Variants in GKAP1 observed in about 807,000 individuals in gnomAD.
GKAP1 encodes the protein G kinase anchoring protein 1.
Under a neutral mutation model 56.7 loss-of-function variants are expected in GKAP1, and 31 were observed. The ratio of observed to expected loss-of-function variants is 0.55; its 90% CI spans 0.41 to 0.74. The LOEUF (loss-of-function observed/expected upper bound fraction) is 0.74, where lower values mean the gene tolerates loss of function less well. Among genes scored for constraint, GKAP1 ranks in the 30% least tolerant of loss-of-function variants. GKAP1 has a pLI of 0.00. For synonymous variants in GKAP1, 151 were observed against 138.6 expected (o/e 1.09, Z -0.63); for missense variants, 364 against 402.3 (o/e 0.90, Z 0.82).
At chr9:83,742,439 C>A (rs1297471331) in intron 11 of GKAP1, 91 bp downstream of exon 11, 1 of 767,520 alleles carries the variant, frequency 1.3e-6, no homozygotes. Context: ...TACATCCTTA[C>A]AGTGTTGATG....
At chr9:83,741,360 TCACACACACACA>T (rs35325635) in intron 12 of GKAP1, among the ~76,000 whole-genome samples, 196 of 48,654 alleles carry the variant, frequency 4.0e-3, no homozygotes, top group African/African-American at 9.2e-3. Flanking sequence ...AATATATCTC[TCACACACACACA>T]CACACACACA....
intron 8 of GKAP1, among the ~76,000 whole-genome samples, chr9:83,753,959 T>C (rs1182193559): frequency 6.6e-6 from 1 of 152,146 alleles, no homozygotes; most frequent in Non-Finnish European, 1.5e-5. Flanking sequence ...GAAATCCCAA[T>C]AGGATGTTGT....
intron 3 of GKAP1, among the ~76,000 whole-genome samples, chr9:83,800,331 GTTTT>G (rs11460153): frequency 1.4e-4 from 13 of 95,614 alleles, no homozygotes; most frequent in Admixed American, 3.2e-4. Context: ...GCCTCCTTAC[GTTTT>G]TTTTTTGTTT....
chr9:83,816,185 G>A (rs960900261), intron 2 of GKAP1, among the ~76,000 whole-genome samples: 2 of 150,632 alleles, frequency 1.3e-5, no homozygotes, highest in African/African-American at 4.9e-5. Flanking sequence ...GCAAAATTCC[G>A]CCTCAAGAAA....
chr9:83,791,632 C>A (rs1446271721), intron 4 of GKAP1, among the ~76,000 whole-genome samples: 1 of 152,198 alleles, frequency 6.6e-6, no homozygotes, highest in Admixed American at 6.5e-5. Flanking sequence ...ATTAAGGATT[C>A]ATTTAGAGTC....
intron 4 of GKAP1, among the ~76,000 whole-genome samples, chr9:83,796,404 G>T (rs1313617531): frequency 6.6e-6 from 1 of 152,012 alleles, no homozygotes; most frequent in Non-Finnish European, 1.5e-5. Flanking sequence ...AGATACTCTG[G>T]TCCTTCTAAT....
At chr9:83,799,120 C>T in intron 4 of GKAP1, 65 bp downstream of exon 4, 1 of 1,343,298 alleles carries the variant, frequency 7.4e-7, no homozygotes, top group East Asian at 2.3e-5. Flanking sequence ...AATTCAGAGG[C>T]ACTGCCATGT....
intron 8 of GKAP1, among the ~76,000 whole-genome samples, chr9:83,761,887 G>A (rs1302695484): frequency 1.3e-5 from 2 of 152,022 alleles, no homozygotes; most frequent in Non-Finnish European, 2.9e-5. Context: ...AAAAAACTGG[G>A]TATAGAAGGA....
At position 83,742,668 on chromosome 9, in the gene GKAP1, G is replaced by T. The variant is rs1486139757; in HGVS notation, c.905-68C>A. 2.1e-5 allele frequency: 20 copies of T among 941,320 alleles called. No homozygotes were observed. In the South Asian group the frequency reaches 2.8e-4, roughly 13 times the overall value. 58.3% of individuals were successfully genotyped at this position (941,320 alleles called of 1,614,324 possible). Reference sequence around the variant, plus strand: ...CCAAATACTTCAACAATACTTCAGGGAACTAAGACATAGCAGTGCAATTAG... The same window carrying T: ...CCAAATACTTCAACAATACTTCAGGTAACTAAGACATAGCAGTGCAATTAG... On this transcript the variant is annotated intron_variant, in intron 10 of 12. Transcript: ENST00000376371.
chr9:83,753,991 G>C (rs1449569747), intron 8 of GKAP1, among the ~76,000 whole-genome samples: 1 of 152,160 alleles, frequency 6.6e-6, no homozygotes, highest in Admixed American at 6.5e-5. Context: ...TAAAAAGATA[G>C]TAAAGACTTC....
chr9:83,752,958 C>A (rs1943416349), intron 9 of GKAP1, among the ~76,000 whole-genome samples: 1 of 151,770 alleles, frequency 6.6e-6, no homozygotes. Context: ...GTAATCCCAG[C>A]TACTCAGGGC....
chr9:83,746,280 T>C (rs139700982), intron 10 of GKAP1, among the ~76,000 whole-genome samples: 10 of 152,326 alleles, frequency 6.6e-5, no homozygotes, highest in African/African-American at 2.4e-4. Context: ...AGTATAGTCA[T>C]CCCTTGGTAT....
chr9:83,740,940 A>C (rs1943196018), intron 12 of GKAP1, among the ~76,000 whole-genome samples: 1 of 152,184 alleles, frequency 6.6e-6, no homozygotes. Context: ...GACCATATAA[A>C]AATTTTGCCA....
intron 6 of GKAP1, 147 bp downstream of exon 6, chr9:83,784,568 T>A: frequency 1.7e-6 from 1 of 572,772 alleles, no homozygotes; most frequent in Non-Finnish European, 2.9e-6. Flanking sequence ...CAAAACGAAC[T>A]AAGACAAAGG....
intron 4 of GKAP1, among the ~76,000 whole-genome samples, chr9:83,795,588 C>CT (rs58291258): frequency 0.099 from 10,774 of 108,668 alleles, 869 homozygotes; most frequent in Non-Finnish European, 0.14. Context: ...CTGAGAGTGT[C>CT]TTTTTTTTTT....
rs761705599 is a variant in GKAP1, at chr9:83,788,617, T to C, written c.422A>G (p.Tyr141Cys). The change falls in exon 5 of 13, where the codon TAT (tyrosine) becomes TGT (cysteine). Residue 141 changes from tyrosine to cysteine, a missense_variant. Transcript: ENST00000376371. ...TGTAAATACCTTTTTGTGCTCTTCA[T>C]ATTCTAGTTTACTTAGTAACAATGC... ...EKALLLSKLE[Y>C]EEHKKEYEDA... The C allele has an allele frequency of 6.3e-7, 1 of 1,587,404 alleles. No individual in the cohort carries two copies. The highest frequency in any genetic ancestry group is 8.6e-7 in the Non-Finnish European group (1 of 1,160,670).
intron 7 of GKAP1, among the ~76,000 whole-genome samples, chr9:83,776,610 C>T (rs143866993): frequency 5.3e-5 from 8 of 152,224 alleles, no homozygotes; most frequent in African/African-American, 1.9e-4. Flanking sequence ...GCACGAGAAT[C>T]GCTTGAACCC....
At chr9:83,771,650 C>G (rs1265195349) in intron 7 of GKAP1, among the ~76,000 whole-genome samples, 1 of 152,052 alleles carries the variant, frequency 6.6e-6, no homozygotes, top group African/African-American at 2.4e-5. Context: ...ATTTCCCCCC[C>G]AAGTAATTAT....
intron 8 of GKAP1, among the ~76,000 whole-genome samples, chr9:83,758,315 C>A (rs1245677269): frequency 6.6e-6 from 1 of 152,144 alleles, no homozygotes; most frequent in Admixed American, 6.5e-5. Flanking sequence ...CAACTTACAG[C>A]ATGTTGATTT....
Sources: allele counts gnomAD v4.1 joint callset (sites outside exome capture counted in the v4.1 genomes callset), GRCh38; gene constraint gnomAD v4.1.1; transcripts MANE v1.5; gene names NCBI Gene and HGNC (gene_info 2026-07-23, HGNC 2026-07-21).